DGKG: variants seen among roughly 807,000 people sequenced by gnomAD.
DGKG encodes the protein DAG kinase gamma.
A neutral mutation model predicts 105.3 loss-of-function variants in DGKG; 78 were observed. The ratio of observed to expected loss-of-function variants is 0.74; its 90% confidence interval spans 0.62 to 0.89. The LOEUF is 0.89. Among genes scored for constraint, DGKG ranks in the 40% least tolerant of loss-of-function variants. DGKG has a pLI of 0.00. For synonymous variants in DGKG, 346 were observed against 367.1 expected (o/e 0.94, Z 0.66); for missense variants, 958 against 1,020.1 (o/e 0.94, Z 0.83).
chr3:186,152,957 C>T (rs530493019), intron 24 of DGKG, among the ~76,000 whole-genome samples: 33 of 126,784 alleles, frequency 2.6e-4, no homozygotes, highest in African/African-American at 8.8e-4. Flanking sequence ...CTGCCGCGCC[C>T]GGCCTTTTTT....
At chr3:186,319,204 A>G (rs771815443) in intron 2 of DGKG, among the ~76,000 whole-genome samples, 17 of 152,212 alleles carry the variant, frequency 1.1e-4, no homozygotes, top group Non-Finnish European at 2.1e-4. Context: ...GGAGGGTGAC[A>G]AACCATTAGC....
chr3:186,295,318 T>A (rs1336989378), intron 5 of DGKG, among the ~76,000 whole-genome samples: 3 of 151,918 alleles, frequency 2.0e-5, no homozygotes, highest in African/African-American at 7.3e-5. Flanking sequence ...CTGGCCAACA[T>A]GGTGAAAGCC....
chr3:186,269,631 G>C (rs1210716509), intron 11 of DGKG, among the ~76,000 whole-genome samples: 4 of 152,264 alleles, frequency 2.6e-5, no homozygotes, highest in African/African-American at 7.2e-5. Context: ...TTGAGGGTGG[G>C]GCACATGATT....
intron 22 of DGKG, among the ~76,000 whole-genome samples, chr3:186,178,050 A>T (rs1424008371): frequency 6.6e-6 from 1 of 152,206 alleles, no homozygotes; most frequent in Non-Finnish European, 1.5e-5. Context: ...TGATCTCTCC[A>T]CATGAGGATA....
At chr3:186,256,248 C>A (rs927434978) in intron 17 of DGKG, among the ~76,000 whole-genome samples, 9 of 152,062 alleles carry the variant, frequency 5.9e-5, no homozygotes, top group African/African-American at 2.2e-4. Context: ...GAGTGGCGGG[C>A]GGCAGGTGTA....
rs372866231 is a variant in DGKG, at chr3:186,259,625, T to C, written c.1424+814A>G. Among the ~76,000 whole-genome samples the C allele has an allele frequency of 3.9e-5, 6 of 152,096 alleles. No homozygotes were observed. The East Asian group carries it at 1.2e-3, about 29-fold the overall frequency. On this transcript the variant is annotated intron_variant, in intron 16 of 24. Coordinates refer to ENST00000265022, the MANE Select transcript of DGKG (RefSeq NM_001346.3). ...CTAGCTGAACCCGGAGCAGAAATCC[T>C]GGTTTGGAGGTTGGGCAAATGGCTG...
chr3:186,302,544 A>G (rs1359445344), intron 3 of DGKG, among the ~76,000 whole-genome samples: 6 of 36,514 alleles, frequency 1.6e-4, no homozygotes, highest in South Asian at 8.0e-4. Context: ...ATATGTATAT[A>G]TATATATATA....
intron 14 of DGKG, among the ~76,000 whole-genome samples, chr3:186,264,206 T>C (rs1428431948): frequency 6.6e-6 from 1 of 152,218 alleles, no homozygotes; most frequent in Non-Finnish European, 1.5e-5. Context: ...TCTAGGTGTC[T>C]AGAGCTTTCT....
At chr3:186,232,365 A>C (rs1191444135) in intron 20 of DGKG, among the ~76,000 whole-genome samples, 1 of 152,256 alleles carries the variant, frequency 6.6e-6, no homozygotes, top group Non-Finnish European at 1.5e-5. Context: ...TAAAATGCTG[A>C]AAGAAAATAT....
intron 20 of DGKG, among the ~76,000 whole-genome samples, chr3:186,228,472 T>A (rs1339044582): frequency 1.3e-5 from 2 of 152,212 alleles, no homozygotes; most frequent in Non-Finnish European, 2.9e-5. Flanking sequence ...CATTAATCTG[T>A]TCAAAAAGCA....
At chr3:186,354,530 G>T (rs971378528) in intron 1 of DGKG, among the ~76,000 whole-genome samples, 4 of 152,196 alleles carry the variant, frequency 2.6e-5, no homozygotes, top group African/African-American at 9.6e-5. Flanking sequence ...TCTGGGTTTT[G>T]TCAGCTGCTG....
intron 1 of DGKG, among the ~76,000 whole-genome samples, chr3:186,355,565 C>G (rs1425364604): frequency 6.6e-6 from 1 of 151,218 alleles, no homozygotes; most frequent in Non-Finnish European, 1.5e-5. Context: ...ACCACCTTAC[C>G]ACCATTACCC....
chr3:186,192,579 G>A (rs1717958354), intron 21 of DGKG, among the ~76,000 whole-genome samples: 1 of 152,170 alleles, frequency 6.6e-6, no homozygotes, highest in Non-Finnish European at 1.5e-5. Context: ...GGGCCTCTTA[G>A]GGGTTAAGAT....
intron 2 of DGKG, among the ~76,000 whole-genome samples, chr3:186,319,247 C>T (rs1364114638): frequency 2.6e-5 from 4 of 152,154 alleles, no homozygotes; most frequent in Non-Finnish European, 4.4e-5. Flanking sequence ...GGAGAGCATT[C>T]GGAGTCACAG....
chr3:186,264,366 C>T (rs939024315), intron 14 of DGKG, among the ~76,000 whole-genome samples: 5 of 152,096 alleles, frequency 3.3e-5, no homozygotes, highest in South Asian at 2.1e-4. Flanking sequence ...CAGGTTCAAG[C>T]GATTCTCCTG....
At chr3:186,299,768 T>TTTCTTTCTTTCTTC (rs1723786392) in intron 3 of DGKG, among the ~76,000 whole-genome samples, 1 of 22,244 alleles carries the variant, frequency 4.5e-5, no homozygotes, top group African/African-American at 2.1e-4. Flanking sequence ...TCTTCTTTTC[T>TTTCTTTCTTTCTTC]CTTTCTTTCT....
At chr3:186,227,353 T>C (rs1222663196) in intron 20 of DGKG, among the ~76,000 whole-genome samples, 1 of 152,202 alleles carries the variant, frequency 6.6e-6, no homozygotes, top group African/African-American at 2.4e-5. Context: ...TAATTTCCAT[T>C]TTACACATCA....
intron 24 of DGKG, chr3:186,158,185 C>A (rs1716126521): frequency 1.4e-6 from 1 of 713,638 alleles, no homozygotes; most frequent in Non-Finnish European, 1.7e-6. Context: ...CTTCTTTTAT[C>A]TTTATTATTT....
At chr3:186,239,201 G>GAAAAC (rs1255636099) in intron 20 of DGKG, among the ~76,000 whole-genome samples, 6 of 152,106 alleles carry the variant, frequency 3.9e-5, no homozygotes, top group African/African-American at 1.2e-4. Flanking sequence ...CTCCCTTGCT[G>GAAAAC]AAAACAAAAC....
Sources: allele counts gnomAD v4.1 joint callset (sites outside exome capture counted in the v4.1 genomes callset), GRCh38; gene constraint gnomAD v4.1.1; transcripts MANE v1.5; gene names NCBI Gene and HGNC (gene_info 2026-07-23, HGNC 2026-07-21).